The following RBM11 variants were observed in gnomAD, a reference collection of about 807,000 sequenced individuals.
The protein encoded by RBM11 is RNA binding motif protein 11.
RBM11 carries 18 observed loss-of-function variants against 21.4 expected under a neutral mutation model. The ratio of observed to expected loss-of-function variants is 0.84; its 90% CI spans 0.58 to 1.25. RBM11 has a LOEUF of 1.25. RBM11 is among the 50% of genes most tolerant of loss of function. RBM11 has a pLI of 0.00. For synonymous variants in RBM11, 120 were observed against 116.3 expected, an observed-to-expected ratio of 1.03 and a Z score of -0.20; for missense variants, 294 against 331.9, an observed-to-expected ratio of 0.89 and a Z score of 0.89.
chr21:14,218,968 CCTCT>C (rs1320653886), intron 1 of RBM11, among the ~76,000 whole-genome samples: 1 of 152,038 alleles, frequency 6.6e-6, no homozygotes, highest in African/African-American at 2.4e-5. Flanking sequence ...AGATTTAGAG[CCTCT>C]CTAATTTCTC....
In RBM11 at chr21:14,227,873, A is replaced by C. The variant is rs73152970; in HGVS notation, c.*580A>C. 948 of 152,476 alleles carry C rather than the reference A, an allele frequency of 6.2e-3. 1 individual carries two copies. The highest frequency in any genetic ancestry group is 8.7e-3 in the Non-Finnish European group (594 of 68,128). The allele number at this position is 152,476 out of a possible 1,614,324, so 9.4% of individuals were successfully genotyped here. A position where few individuals can be genotyped will look rare whatever the true frequency, so the allele number is the denominator to read the frequency against. ...ATGATAATGATACCAAAGGAAAGAT[A>C]ATTATCATGAAACCAACTTTTGGAT... is the stretch of plus-strand genomic sequence containing the variant. On this transcript the variant is annotated 3_prime_UTR_variant, in exon 5 of 5. Coordinates refer to ENST00000400577, the MANE Select transcript of RBM11 (RefSeq NM_144770.5).
chr21:14,219,841 A>G, intron 2 of RBM11, 116 bp downstream of exon 2: 1 of 766,268 alleles, frequency 1.3e-6, no homozygotes, highest in Non-Finnish European at 1.9e-6. Context: ...AGTACCTTCT[A>G]CCTTCTGGTC....
intron 4 of RBM11, 133 bp downstream of exon 4, chr21:14,224,670 G>A (rs943179098): frequency 5.4e-6 from 7 of 1,300,546 alleles, no homozygotes; most frequent in Non-Finnish European, 6.1e-6. Context: ...CTGTCCTCCA[G>A]TGGTGTCCTG....
chr21:14,219,303 A>T (rs1408476092), intron 1 of RBM11, among the ~76,000 whole-genome samples: 1 of 152,168 alleles, frequency 6.6e-6, no homozygotes, highest in African/African-American at 2.4e-5. Flanking sequence ...TAACAGAAGG[A>T]TAGTCTACCA....
At position 14,227,235 on chromosome 21, in the gene RBM11, A is replaced by G. The variant is rs886761849; in HGVS notation, c.788A>G (p.Asn263Ser). The G allele has an allele frequency of 3.7e-6, 6 of 1,613,932 alleles. No homozygotes were observed. The highest frequency in any genetic ancestry group is 5.1e-6 in the Non-Finnish European group (6 of 1,179,880). ...GATAGTGATAGTAGCACAGACAACA[A>G]CAGAGGCAACGAATGTAGCCAAAAG... ...TSDSDSSTDN[N>S]RGNECSQKFR... Residue 263 changes from asparagine (N) to serine (S), a missense_variant, in exon 5 of 5, where the codon AAC (asparagine) becomes AGC (serine). Coordinates refer to ENST00000400577, the MANE Select transcript of RBM11 (RefSeq NM_144770.5).
chr21:14,219,363 C>A (rs180873936), intron 1 of RBM11, among the ~76,000 whole-genome samples, 200 bp from the exon 2 acceptor site: 1 of 152,174 alleles, frequency 6.6e-6, no homozygotes, highest in Non-Finnish European at 1.5e-5. Context: ...TTCTTAACAC[C>A]ATGTATGTTT....
rs569716385 is a variant in RBM11 at position 14,218,964 on chromosome 21, A to G, written c.97-599A>G. 5.9e-5 allele frequency among the ~76,000 whole-genome samples: 9 copies of G among 152,292 alleles called. No homozygotes were observed. The South Asian group carries it at 1.2e-3, about 21-fold the overall frequency. ...AATAATATCTCCAGTTGTTAGATTTAGAGCCTCTCTAATTTCTCACACTTA... is the reference window on the plus strand; with the variant it reads ...AATAATATCTCCAGTTGTTAGATTTGGAGCCTCTCTAATTTCTCACACTTA... On this transcript the variant is annotated intron_variant, in intron 1 of 4. Coordinates refer to ENST00000400577, the MANE Select transcript of RBM11 (RefSeq NM_144770.5).
chr21:14,220,847 C>T (rs150215193), intron 2 of RBM11, among the ~76,000 whole-genome samples: 7 of 152,188 alleles, frequency 4.6e-5, no homozygotes, highest in East Asian at 3.9e-4. Context: ...CAAAGTCCAA[C>T]GTCAATGTCA....
At position 14,227,249 on chromosome 21, in the gene RBM11, T is replaced by C. The variant is rs761802647; in HGVS notation, c.802T>C (p.Cys268Arg). ...CACAGACAACAACAGAGGCAACGAA[T>C]GTAGCCAAAAGTTCCGAAAGTCTAA... ...SSTDNNRGNECSQKFRKSKKK... is the reference protein window; with the variant it reads ...SSTDNNRGNERSQKFRKSKKK... The change falls in exon 5 of 5, where the codon TGT becomes CGT. Residue 268 changes from cysteine (C) to arginine (R), a missense_variant. Around this residue, in one of 2 missense-constraint regions of RBM11, gnomAD observed 113 missense variants for 167.3 expected, o/e 0.68. Coordinates refer to ENST00000400577, the MANE Select transcript of RBM11 (RefSeq NM_144770.5). 5 of 1,613,398 alleles carry C rather than the reference T, an allele frequency of 3.1e-6. No individual in the cohort carries two copies. In the Admixed American group the frequency reaches 6.7e-5, roughly 22 times the overall value.
At chr21:14,217,726 TA>T (rs888719326) in intron 1 of RBM11, among the ~76,000 whole-genome samples, 6 of 151,892 alleles carry the variant, frequency 4.0e-5, no homozygotes, top group South Asian at 4.2e-4. Context: ...TATATTAAGT[TA>T]AAAAAAACAA....
At chr21:14,226,844 G>T in intron 4 of RBM11, 36 bp from the exon 5 acceptor site, 2 of 1,567,066 alleles carry the variant, frequency 1.3e-6, no homozygotes, top group Non-Finnish European at 1.7e-6. Context: ...TAACCTTTTG[G>T]ATTTGTTTTG....
intron 3 of RBM11, among the ~76,000 whole-genome samples, chr21:14,222,304 G>T (rs1358459479): frequency 6.6e-6 from 1 of 151,684 alleles, no homozygotes; most frequent in African/African-American, 2.4e-5. Context: ...TCTCTATATA[G>T]ATACTTATAT....
chr21:14,227,498 TTGTC>T lies in RBM11; in HGVS notation c.*206_*209del. 1.8e-6 allele frequency: 1 copy of T among 557,496 alleles called. No individual in the cohort carries two copies. The highest frequency in any genetic ancestry group is 2.8e-5 in the South Asian group (1 of 35,800). The allele number at this position is 557,496 out of a possible 1,614,324, so 34.5% of individuals were successfully genotyped here. ...TAGTATAATGTACCACTTTTTGTATTTGTCATGATATTTTTGACCCATTGGCAAC... is the reference window on the plus strand; with the variant it reads ...TAGTATAATGTACCACTTTTTGTATTATGATATTTTTGACCCATTGGCAAC... On this transcript the variant is annotated 3_prime_UTR_variant, in exon 5 of 5. Coordinates refer to ENST00000400577, the MANE Select transcript of RBM11 (RefSeq NM_144770.5).
At chr21:14,218,472 A>G (rs1286743466) in intron 1 of RBM11, among the ~76,000 whole-genome samples, 3 of 152,184 alleles carry the variant, frequency 2.0e-5, no homozygotes, top group Non-Finnish European at 2.9e-5. Context: ...GTACAAAAAC[A>G]TAGACATCTC....
intron 4 of RBM11, among the ~76,000 whole-genome samples, chr21:14,225,043 G>A (rs1324856621): frequency 6.6e-6 from 1 of 152,020 alleles, no homozygotes; most frequent in East Asian, 1.9e-4. Flanking sequence ...CTTGAACCTA[G>A]AAGGTGGAGG....
intron 1 of RBM11, 61 bp from the exon 2 acceptor site, chr21:14,219,502 T>G: frequency 1.6e-6 from 2 of 1,273,768 alleles, no homozygotes; most frequent in Non-Finnish European, 2.1e-6. Flanking sequence ...TTGAATTTAC[T>G]TATTTGAGTA....
intron 1 of RBM11, 74 bp downstream of exon 1, chr21:14,216,356 C>G: frequency 1.6e-6 from 2 of 1,264,084 alleles, no homozygotes; most frequent in Non-Finnish European, 2.3e-6. Context: ...CCTGGACCAC[C>G]CGGAGCCCGG....
At position 14,216,220 on chromosome 21, in the gene RBM11, G is replaced by A; in HGVS notation, c.34G>A (p.Val12Met). The A allele has an allele frequency of 6.2e-7, 1 of 1,613,838 alleles. No homozygotes were observed. Reference protein sequence around the residue: ...FPAQEEADRTVFVGNLEARVR... With the variant: ...FPAQEEADRTMFVGNLEARVR... The stretch of plus-strand genomic sequence containing the variant: ...TGCTCAGGAGGAGGCCGACAGGACC[G>A]TGTTTGTTGGGAATTTAGAGGCCCG... Residue 12 changes from valine to methionine, a missense_variant, in exon 1 of 5, where the codon GTG becomes ATG. This residue lies in a region of RBM11 where 181 missense variants were observed against 164.6 expected (regional missense o/e 1.10). Transcript: ENST00000400577.
At chr21:14,225,948 A>C (rs1235367529) in intron 4 of RBM11, among the ~76,000 whole-genome samples, 1 of 152,038 alleles carries the variant, frequency 6.6e-6, no homozygotes, top group Non-Finnish European at 1.5e-5. Context: ...CTGAGTTTTA[A>C]AATTTTATTT....
Sources: gnomAD v4.1 joint callset for allele counts (sites outside exome capture counted in the v4.1 genomes callset) on GRCh38, gnomAD v4.1.1 for gene constraint, gnomAD v4.1.1 regional missense constraint, MANE v1.5 for transcripts, NCBI Gene and HGNC (gene_info 2026-07-23, HGNC 2026-07-21) for gene names.